Variants in NGEF observed in about 807,000 individuals in gnomAD.
NGEF encodes the protein ephexin-1.
In NGEF, 31 loss-of-function variants were observed where a neutral mutation model predicts 80.9. The observed-to-expected ratio is 0.38, with a 90% CI of 0.29 to 0.52. The LOEUF (loss-of-function observed/expected upper bound fraction) is 0.52. NGEF is among the 20% of genes least tolerant of loss of function. The pLI, the probability that NGEF is intolerant of heterozygous loss-of-function variation, is 0.84. For synonymous variants in NGEF, 371 were observed against 370.2 expected (o/e 1.00, Z -0.03); for missense variants, 709 against 926.2 (o/e 0.77, Z 3.04).
chr2:232,952,089 T>C (rs1693690126), intron 3 of NGEF, among the ~76,000 whole-genome samples: 1 of 152,242 alleles, frequency 6.6e-6, no homozygotes, highest in Non-Finnish European at 1.5e-5. Flanking sequence ...CAAGCCGTCT[T>C]AGCAGGGCTC....
At chr2:232,900,182 T>TCACTTA (rs1559199595) in intron 5 of NGEF, among the ~76,000 whole-genome samples, 1 of 59,768 alleles carries the variant, frequency 1.7e-5, no homozygotes, top group Non-Finnish European at 3.1e-5. Context: ...TCACTCACAT[T>TCACTTA]CACACACACG....
In NGEF at chr2:232,974,877, T is replaced by G. The variant is rs773248541; in HGVS notation, c.14A>C (p.Glu5Ala). Residue 5 changes from glutamate (E) to alanine (A), a missense_variant, in exon 2 of 15, where the codon GAA becomes GCA. By Grantham distance (107) the Glu-to-Ala change is moderately radical. Coordinates refer to ENST00000264051, the MANE Select transcript of NGEF (RefSeq NM_019850.3). ...CCGGGTCTTTTCCAAATCTTCAGAT[T>G]CCCTGGTCTCCATGGAAATAGAGCC... METR[E>A]SEDLEKTRRK... is the part of the protein sequence containing the mutation. 5.0e-6 allele frequency: 8 copies of G among 1,613,286 alleles called. No homozygotes were observed. The highest frequency in any genetic ancestry group is 5.1e-6 in the Non-Finnish European group (6 of 1,179,864).
intron 9 of NGEF, 125 bp from the exon 10 acceptor site, chr2:232,885,494 G>A: frequency 1.3e-6 from 1 of 755,072 alleles, no homozygotes; most frequent in African/African-American, 1.7e-5. Flanking sequence ...CCACAGCTGA[G>A]GCTGGCTGGC....
chr2:232,941,535 G>T (rs1476702423), intron 3 of NGEF, among the ~76,000 whole-genome samples: 1 of 149,770 alleles, frequency 6.7e-6, no homozygotes, highest in Non-Finnish European at 1.5e-5. Context: ...AGTTAAGTTA[G>T]ATCTTTCACT....
In NGEF at chr2:232,906,236, G is replaced by A. The variant is rs1224807210; in HGVS notation, c.829-11320C>T. 7.7e-3 allele frequency among the ~76,000 whole-genome samples: 659 copies of A among 85,792 alleles called. 37 individuals are homozygous for A. Among genetic ancestry groups the A allele is most frequent in the East Asian group, 0.065 (163 of 2,506 alleles). 56.3% of individuals were successfully genotyped at this position (85,792 alleles called of 152,430 possible). On this transcript the variant is annotated intron_variant, in intron 5 of 14. Coordinates refer to ENST00000264051, the MANE Select transcript of NGEF (RefSeq NM_019850.3). ...GGAGGTGGGGGGGGGTCAGCCCCCC[G>A]CCCGGCCAGCCGCCCCATCCGGGAG... is the stretch of plus-strand genomic sequence containing the variant.
intron 5 of NGEF, among the ~76,000 whole-genome samples, chr2:232,898,740 G>C (rs1280148274): frequency 1.3e-5 from 2 of 152,196 alleles, no homozygotes; most frequent in Non-Finnish European, 2.9e-5. Context: ...CTAGGCACTG[G>C]GCACTCGGCT....
rs909219491 is a variant in NGEF at position 232,892,517 on chromosome 2, G to A, written c.1142+381C>T. Among the ~76,000 whole-genome samples the A allele has an allele frequency of 6.6e-6, 1 of 152,298 alleles. No individual in the cohort carries two copies. Among genetic ancestry groups the A allele is most frequent in the South Asian group, 2.1e-4 (1 of 4,828 alleles). On this transcript the variant is annotated intron_variant, in intron 7 of 14. Coordinates refer to ENST00000264051, the MANE Select transcript of NGEF (RefSeq NM_019850.3). The surrounding 1 kb of genome is among the most constrained non-coding windows in gnomAD (Gnocchi z 4.0). ...CGAGGCTCCTTCCCATCCTGTCCCT[G>A]CCCTTGTCGCTAGTTCAAGCCCCGT... is the stretch of plus-strand genomic sequence containing the variant.
chr2:232,904,386 G>A (rs1692442422), intron 5 of NGEF, among the ~76,000 whole-genome samples: 1 of 152,122 alleles, frequency 6.6e-6, no homozygotes, highest in South Asian at 2.1e-4. Flanking sequence ...GTGCCACCAT[G>A]GCAGGCTAAT....
intron 5 of NGEF, among the ~76,000 whole-genome samples, chr2:232,908,299 T>C (rs1429344282): frequency 6.6e-6 from 1 of 152,170 alleles, no homozygotes; most frequent in Non-Finnish European, 1.5e-5. Flanking sequence ...GCAAGATAAA[T>C]TTCTAGAAAT....
chr2:232,975,013 T>C, intron 1 of NGEF, 49 bp from the exon 2 acceptor site: 1 of 945,094 alleles, frequency 1.1e-6, no homozygotes, highest in Non-Finnish European at 1.6e-6. Flanking sequence ...AGGCTAAGTA[T>C]TCTATTCAGA....
rs775073378 is a variant in NGEF, at chr2:232,879,685, C to T, written c.1943-6G>A. On this transcript the variant is annotated splice_region_variant and splice_polypyrimidine_tract_variant and intron_variant, in intron 14 of 14. Transcript: ENST00000264051. ...ACGCTCGCCAAAGATCCACCCTGTGCAGGGAGGGGAGGGAGAGAAGGTCAG... is the reference window on the plus strand; with the variant it reads ...ACGCTCGCCAAAGATCCACCCTGTGTAGGGAGGGGAGGGAGAGAAGGTCAG... 35 of 1,606,018 alleles carry T rather than the reference C, an allele frequency of 2.2e-5. No homozygotes were observed. In the Middle Eastern group the frequency reaches 1.3e-3, roughly 61 times the overall value.
intron 1 of NGEF, among the ~76,000 whole-genome samples, chr2:232,980,559 C>T (rs1476373231): frequency 6.6e-6 from 1 of 151,818 alleles, no homozygotes; most frequent in African/African-American, 2.4e-5. Flanking sequence ...CGTGCAGTGG[C>T]GCGATCTCAG....
At chr2:233,006,044 T>A (rs1574667522) in intron 1 of NGEF, among the ~76,000 whole-genome samples, 1 of 152,214 alleles carries the variant, frequency 6.6e-6, no homozygotes, top group Non-Finnish European at 1.5e-5. Flanking sequence ...CTCGAACTCT[T>A]GACCTCAAGT....
At chr2:232,980,295 G>A (rs550886159) in intron 1 of NGEF, among the ~76,000 whole-genome samples, 307 of 152,230 alleles carry the variant, frequency 2.0e-3, no homozygotes, top group African/African-American at 7.2e-3. Flanking sequence ...GAGTTGTGGG[G>A]AGCTGGCTGC....
At chr2:232,994,720 A>T (rs1175173733) in intron 1 of NGEF, among the ~76,000 whole-genome samples, 1 of 152,048 alleles carries the variant, frequency 6.6e-6, no homozygotes, top group Non-Finnish European at 1.5e-5. Flanking sequence ...AATGTCTTGC[A>T]GGGAGGACAA....
intron 9 of NGEF, among the ~76,000 whole-genome samples, chr2:232,887,740 T>C (rs957485645): frequency 6.6e-6 from 1 of 152,082 alleles, no homozygotes; most frequent in East Asian, 1.9e-4. Flanking sequence ...TGGTGAAGAA[T>C]GTCCTGAGAG....
At chr2:232,906,667 C>T (rs1692560891) in intron 5 of NGEF, among the ~76,000 whole-genome samples, 1 of 98,504 alleles carries the variant, frequency 1.0e-5, no homozygotes, top group Admixed American at 1.1e-4. Context: ...GGCCACCACC[C>T]CATCTGGGAG....
intron 1 of NGEF, among the ~76,000 whole-genome samples, chr2:232,993,154 A>AATAT (rs199973619): frequency 1.0e-4 from 6 of 59,508 alleles, no homozygotes; most frequent in East Asian, 4.8e-4. Context: ...TATATGGGCA[A>AATAT]ATATATATAT....
chr2:232,968,407 A>ATT (rs1694112655), intron 3 of NGEF, among the ~76,000 whole-genome samples: 1 of 146,220 alleles, frequency 6.8e-6, no homozygotes, highest in African/African-American at 2.6e-5. Context: ...CTTTTATTTT[A>ATT]TTTTATTTTA....
Sources: allele counts gnomAD v4.1 joint callset (sites outside exome capture counted in the v4.1 genomes callset), GRCh38; gene constraint gnomAD v4.1.1; non-coding constraint Gnocchi (gnomAD v3.1); transcripts MANE v1.5; gene names NCBI Gene and HGNC (gene_info 2026-07-23, HGNC 2026-07-21).